The following FGGY variants were observed in gnomAD, a reference collection of about 807,000 sequenced individuals.
FGGY encodes the protein FGGY carbohydrate kinase domain-containing protein.
Under a neutral mutation model 71.3 loss-of-function variants are expected in FGGY, and 72 were observed. The ratio of observed to expected loss-of-function variants is 1.01; its 90% CI spans 0.84 to 1.23. FGGY has a LOEUF of 1.23. Among genes scored for constraint, FGGY ranks in the 50% most tolerant of loss-of-function variants. FGGY has a pLI of 0.00. For missense variants in FGGY, 668 were observed against 682.3 expected, an observed-to-expected ratio of 0.98 and a Z score of 0.23; for synonymous variants, 251 against 250.3, an observed-to-expected ratio of 1.00 and a Z score of -0.02.
intron 14 of FGGY, chr1:59,697,508 G>C (rs1197283988): frequency 2.4e-6 from 1 of 413,670 alleles, no homozygotes; most frequent in East Asian, 7.7e-5. Context: ...GTTTATCCAT[G>C]CTGTAGCACG....
intron 5 of FGGY, among the ~76,000 whole-genome samples, chr1:59,385,235 G>A (rs2173033): frequency 0.19 from 29,297 of 151,512 alleles, 3,072 homozygotes; most frequent in East Asian, 0.36. Context: ...CTCATCCTCC[G>A]AAATATGGCA....
chr1:59,356,357 C>T (rs1296810777), intron 4 of FGGY, among the ~76,000 whole-genome samples: 1 of 152,108 alleles, frequency 6.6e-6, no homozygotes. Context: ...TCAGGTTTTT[C>T]CTTCTGCCTG....
chr1:59,429,703 C>T (rs2067000520), intron 5 of FGGY, among the ~76,000 whole-genome samples: 1 of 152,070 alleles, frequency 6.6e-6, no homozygotes, highest in South Asian at 2.1e-4. Context: ...TGCATGTATA[C>T]ACACACACAG....
At chr1:59,355,732 A>G (rs1388227568) in intron 4 of FGGY, among the ~76,000 whole-genome samples, 1 of 152,018 alleles carries the variant, frequency 6.6e-6, no homozygotes, top group East Asian at 1.9e-4. Flanking sequence ...AAGCTACACA[A>G]TAGTAGGTTG....
At chr1:59,601,140 T>C (rs1571942188) in intron 8 of FGGY, among the ~76,000 whole-genome samples, 1 of 152,096 alleles carries the variant, frequency 6.6e-6, no homozygotes, top group South Asian at 2.1e-4. Context: ...GGCTACCCTC[T>C]AAAATTCCCA....
chr1:59,760,492 A>G (rs1164064135), intron 15 of FGGY, among the ~76,000 whole-genome samples: 1 of 152,228 alleles, frequency 6.6e-6, no homozygotes, highest in Non-Finnish European at 1.5e-5. Context: ...ATATTTCTAC[A>G]TTCATGTTCA....
chr1:59,310,581 C>T lies in FGGY; in HGVS notation c.-14-10955C>T, dbSNP rs570268338. ...CCCCGACTATCTCCCTTTCTGTCTCCAGGGTCCTGGCACAGGAGTAAGAAA... is the reference window on the plus strand; with the variant it reads ...CCCCGACTATCTCCCTTTCTGTCTCTAGGGTCCTGGCACAGGAGTAAGAAA... On this transcript the variant is annotated intron_variant, in intron 1 of 15. Coordinates refer to ENST00000303721, the MANE Select transcript of FGGY (RefSeq NM_018291.5). Among the ~76,000 whole-genome samples the T allele has an allele frequency of 4.6e-5, 7 of 152,326 alleles. No individual in the cohort carries two copies. In the South Asian group the frequency reaches 1.2e-3, roughly 27 times the overall value.
intron 10 of FGGY, among the ~76,000 whole-genome samples, chr1:59,636,547 C>T (rs571637213): frequency 3.3e-5 from 5 of 152,096 alleles, no homozygotes; most frequent in East Asian, 1.9e-4. Flanking sequence ...GGCGTGAACC[C>T]GGGAGGCGGA....
chr1:59,680,906 C>G (rs1405538059), intron 14 of FGGY: 1 of 152,146 alleles, frequency 6.6e-6, no homozygotes, highest in African/African-American at 2.4e-5. Flanking sequence ...AACTGAGACA[C>G]CTCTCACAAG....
At chr1:59,661,429 A>G (rs921396818) in intron 12 of FGGY, among the ~76,000 whole-genome samples, 1 of 152,204 alleles carries the variant, frequency 6.6e-6, no homozygotes, top group Non-Finnish European at 1.5e-5. Flanking sequence ...TAGATTCTAC[A>G]CTAGTTTTAC....
chr1:59,654,932 A>G (rs1041818201), intron 11 of FGGY, among the ~76,000 whole-genome samples: 4 of 152,134 alleles, frequency 2.6e-5, no homozygotes, highest in Non-Finnish European at 5.9e-5. Flanking sequence ...GTAGGTTGAT[A>G]AGTACTAAGG....
chr1:59,305,074 A>G (rs987092909), intron 1 of FGGY, among the ~76,000 whole-genome samples: 7 of 152,070 alleles, frequency 4.6e-5, no homozygotes, highest in Non-Finnish European at 1.0e-4. Flanking sequence ...TAATTGCTCT[A>G]GCTAGGACTT....
chr1:59,425,963 T>A (rs1346997377), intron 5 of FGGY, among the ~76,000 whole-genome samples: 2 of 152,204 alleles, frequency 1.3e-5, no homozygotes, highest in Non-Finnish European at 2.9e-5. Context: ...TTTTTTTTAA[T>A]TTTTGAAATT....
intron 7 of FGGY, 151 bp downstream of exon 7, chr1:59,512,590 T>C: frequency 1.5e-6 from 1 of 654,914 alleles, no homozygotes; most frequent in Non-Finnish European, 2.3e-6. Flanking sequence ...CAGCTAGGCA[T>C]TTGGATAGAA....
At chr1:59,621,991 A>G (rs980521889) in intron 9 of FGGY, among the ~76,000 whole-genome samples, 1 of 151,414 alleles carries the variant, frequency 6.6e-6, no homozygotes, top group Non-Finnish European at 1.5e-5. Flanking sequence ...AATTTTTTCA[A>G]TATATATTCT....
intron 14 of FGGY, among the ~76,000 whole-genome samples, chr1:59,675,533 C>G (rs1039580547): frequency 3.3e-5 from 5 of 152,232 alleles, no homozygotes. Flanking sequence ...TAAATCCACT[C>G]ATGAATTCTT....
chr1:59,478,981 C>T (rs2093371624), intron 6 of FGGY, among the ~76,000 whole-genome samples: 1 of 152,158 alleles, frequency 6.6e-6, no homozygotes, highest in Admixed American at 6.5e-5. Flanking sequence ...AAGTCACTTG[C>T]TTATAATAGT....
At chr1:59,353,572 A>T (rs1557646495) in intron 4 of FGGY, among the ~76,000 whole-genome samples, 2 of 152,240 alleles carry the variant, frequency 1.3e-5, no homozygotes, top group Non-Finnish European at 1.5e-5. Context: ...TTCGAGCTGT[A>T]AAGCTGATTA....
At chr1:59,600,517 A>T (rs1208572974) in intron 8 of FGGY, among the ~76,000 whole-genome samples, 1 of 152,198 alleles carries the variant, frequency 6.6e-6, no homozygotes, top group African/African-American at 2.4e-5. Context: ...CCAGGAGGGA[A>T]GAGAAAGAAG....
Sources: allele counts gnomAD v4.1 joint callset (sites outside exome capture counted in the v4.1 genomes callset), GRCh38; gene constraint gnomAD v4.1.1; transcripts MANE v1.5; gene names NCBI Gene and HGNC (gene_info 2026-07-23, HGNC 2026-07-21).